The following CCDC7 variants were observed in gnomAD, a reference collection of about 807,000 sequenced individuals.
CCDC7 encodes the protein coiled-coil domain containing 7, also known as coiled-coil domain-containing protein 7.
A neutral mutation model predicts 196.9 loss-of-function variants in CCDC7; 183 were observed. The observed-to-expected ratio is 0.93, with a 90% CI of 0.82 to 1.05. The LOEUF is 1.05. CCDC7 is among the 50% of genes least tolerant of loss of function. CCDC7 has a pLI of 0.00. For synonymous variants in CCDC7, 525 were observed against 484.6 expected, an observed-to-expected ratio of 1.08 and a Z score of -1.10; for missense variants, 1,540 against 1,482.2, an observed-to-expected ratio of 1.04 and a Z score of -0.64.
intron 28 of CCDC7, among the ~76,000 whole-genome samples, chr10:32,756,179 C>A (rs945784271): frequency 1.3e-5 from 2 of 152,214 alleles, no homozygotes; most frequent in African/African-American, 4.8e-5. Flanking sequence ...TTGGAAAACA[C>A]TCTTCTGGAT....
chr10:32,644,121 T>G (rs2067337135), intron 20 of CCDC7, among the ~76,000 whole-genome samples: 1 of 152,152 alleles, frequency 6.6e-6, no homozygotes, highest in Non-Finnish European at 1.5e-5. Flanking sequence ...GGTGTTTTAG[T>G]CCATGTATAC....
exon 37 of CCDC7, chr10:32,846,377 G>A (rs144109242): frequency 1.3e-6 from 2 of 1,537,186 alleles, no homozygotes; most frequent in African/African-American, 2.7e-5. Context: ...ATTCTATAGA[G>A]ACTGATAAAG....
At chr10:32,502,425 A>G (rs2044217935) in intron 9 of CCDC7, among the ~76,000 whole-genome samples, 1 of 151,946 alleles carries the variant, frequency 6.6e-6, no homozygotes, top group Non-Finnish European at 1.5e-5. Flanking sequence ...TGTACTGGGT[A>G]CCTCAGTTGG....
At chr10:32,875,328 G>T (rs1365992099) in intron 41 of CCDC7, among the ~76,000 whole-genome samples, 1 of 151,978 alleles carries the variant, frequency 6.6e-6, no homozygotes. Flanking sequence ...TAAGGAAGGG[G>T]TCCAGTTTCA....
At chr10:32,811,269 A>C (rs940084002) in intron 30 of CCDC7, among the ~76,000 whole-genome samples, 1 of 152,012 alleles carries the variant, frequency 6.6e-6, no homozygotes, top group Admixed American at 6.6e-5. Flanking sequence ...GACTAACTTA[A>C]AAAAAGATAG....
At chr10:32,656,960 C>T (rs1284252593) in intron 20 of CCDC7, among the ~76,000 whole-genome samples, 1 of 152,218 alleles carries the variant, frequency 6.6e-6, no homozygotes, top group Admixed American at 6.5e-5. Flanking sequence ...AACAAAGAGG[C>T]TACATGCCCC....
chr10:32,673,366 G>A (rs1172813207), intron 21 of CCDC7, among the ~76,000 whole-genome samples: 1 of 151,878 alleles, frequency 6.6e-6, no homozygotes, highest in African/African-American at 2.4e-5. Flanking sequence ...CATCACTTTG[G>A]GTAGTATGGG....
At chr10:32,738,852 C>T (rs2085336264) in intron 28 of CCDC7, among the ~76,000 whole-genome samples, 1 of 152,070 alleles carries the variant, frequency 6.6e-6, no homozygotes, top group African/African-American at 2.4e-5. Context: ...TATATTCCTT[C>T]TCTCTGAAGA....
At chr10:32,546,395 A>T (rs530881824) in intron 13 of CCDC7, among the ~76,000 whole-genome samples, 1 of 152,254 alleles carries the variant, frequency 6.6e-6, no homozygotes, top group African/African-American at 2.4e-5. Flanking sequence ...GTGGTATCAG[A>T]AAAGGCAGAG....
At chr10:32,702,289 T>C (rs1291855176) in intron 24 of CCDC7, among the ~76,000 whole-genome samples, 2 of 152,236 alleles carry the variant, frequency 1.3e-5, no homozygotes, top group Admixed American at 6.5e-5. Flanking sequence ...CTAGTAGTCA[T>C]TCAGGAGTGG....
At chr10:32,574,466 C>T in intron 16 of CCDC7, 24 of 1,590,986 alleles carry the variant, frequency 1.5e-5, no homozygotes, top group Non-Finnish European at 2.1e-5. Flanking sequence ...GGAAAAGTCT[C>T]CCAAACCTTC....
chr10:32,566,773 G>T (rs2056856156), intron 14 of CCDC7, among the ~76,000 whole-genome samples: 1 of 151,004 alleles, frequency 6.6e-6, no homozygotes, highest in African/African-American at 2.4e-5. Flanking sequence ...CTGACTGGGT[G>T]TGGTGGTGTG....
chr10:32,470,447 A>T (rs2037719924), intron 5 of CCDC7, among the ~76,000 whole-genome samples: 1 of 151,928 alleles, frequency 6.6e-6, no homozygotes, highest in South Asian at 2.1e-4. Flanking sequence ...TTCTTGCTGA[A>T]TTTTCTTTAA....
chr10:32,863,650 A>G (rs1485976319), intron 41 of CCDC7, among the ~76,000 whole-genome samples: 3 of 151,990 alleles, frequency 2.0e-5, no homozygotes, highest in Non-Finnish European at 2.9e-5. Flanking sequence ...TGCAATGGGG[A>G]AAGAATAGTC....
intron 18 of CCDC7, among the ~76,000 whole-genome samples, chr10:32,632,565 G>C (rs1236611512): frequency 2.0e-5 from 3 of 151,702 alleles, no homozygotes; most frequent in Non-Finnish European, 4.4e-5. Flanking sequence ...TTCTTTTTCA[G>C]TGTAAGTTTG....
chr10:32,448,885 G>T, upstream of CCDC7, among the ~76,000 whole-genome samples: 1 of 151,630 alleles, frequency 6.6e-6, no homozygotes, highest in Non-Finnish European at 1.5e-5. Flanking sequence ...TTTTATTAAT[G>T]TTCAGGAATA....
At chr10:32,543,181 T>C in intron 11 of CCDC7, 119 bp from the exon 13 acceptor site, 1 of 1,026,994 alleles carries the variant, frequency 9.7e-7, no homozygotes, top group Non-Finnish European at 1.3e-6. Flanking sequence ...TAATTTTTCC[T>C]GAAACGTTGT....
chr10:32,618,478 C>T (rs556598190), intron 18 of CCDC7, among the ~76,000 whole-genome samples: 2 of 152,094 alleles, frequency 1.3e-5, no homozygotes, highest in East Asian at 3.9e-4. Context: ...GCATTTTCGG[C>T]AAGACCAGTC....
At chr10:32,667,308 A>G (rs1377618172) in intron 21 of CCDC7, among the ~76,000 whole-genome samples, 1 of 152,144 alleles carries the variant, frequency 6.6e-6, no homozygotes, top group Non-Finnish European at 1.5e-5. Context: ...ATTATCTCCC[A>G]TTCTGTAGGC....
Sources: allele counts gnomAD v4.1 joint callset (sites outside exome capture counted in the v4.1 genomes callset), GRCh38; gene constraint gnomAD v4.1.1; transcripts MANE v1.5; gene names NCBI Gene and HGNC (gene_info 2026-07-23, HGNC 2026-07-21).